PPA2: variants seen among roughly 807,000 people sequenced by gnomAD.
PPA2 encodes the protein inorganic pyrophosphatase 2.
PPA2 carries 48 observed loss-of-function variants against 49.5 expected under a neutral mutation model. The observed-to-expected ratio is 0.97, with a 90% confidence interval of 0.77 to 1.23. PPA2 has a LOEUF of 1.23. Among genes scored for constraint, PPA2 ranks in the 50% most tolerant of loss-of-function variants. The probability of loss-of-function intolerance (pLI) is 0.00; values close to 1 mark genes in which losing one functional copy is unlikely to be tolerated. For synonymous variants in PPA2, 131 were observed against 139.9 expected (o/e 0.94, Z 0.45); for missense variants, 429 against 410.1 (o/e 1.05, Z -0.40).
At chr4:105,463,393 T>C (rs1723173397) in intron 1 of PPA2, among the ~76,000 whole-genome samples, 1 of 152,168 alleles carries the variant, frequency 6.6e-6, no homozygotes, top group South Asian at 2.1e-4. Flanking sequence ...AAGCATTCAA[T>C]AGGTGACTTG....
At chr4:105,403,909 T>G (rs1034138602) in intron 7 of PPA2, among the ~76,000 whole-genome samples, 2 of 152,012 alleles carry the variant, frequency 1.3e-5, no homozygotes, top group Non-Finnish European at 2.9e-5. Flanking sequence ...TACTCTTTTT[T>G]TTTTTTTGAA....
At chr4:105,436,583 A>C (rs2866884) in intron 6 of PPA2, among the ~76,000 whole-genome samples, 56,862 of 152,098 alleles carry the variant, frequency 0.37, 12,584 homozygotes, top group East Asian at 0.67. Context: ...ACATAGCTGT[A>C]GTACTGGTAT....
chr4:105,434,603 G>A (rs1723961067), intron 6 of PPA2, among the ~76,000 whole-genome samples: 1 of 151,808 alleles, frequency 6.6e-6, no homozygotes, highest in East Asian at 1.9e-4. Flanking sequence ...CTGGCAGCAG[G>A]GTATAAGAAT....
chr4:105,380,164 GA>G (rs1733429704), intron 10 of PPA2, among the ~76,000 whole-genome samples: 1 of 151,098 alleles, frequency 6.6e-6, no homozygotes, highest in Non-Finnish European at 1.5e-5. Context: ...CGTGTTTATA[GA>G]AAGGTTTTTA....
chr4:105,425,791 C>A (rs1465845192), intron 6 of PPA2, among the ~76,000 whole-genome samples: 3 of 148,316 alleles, frequency 2.0e-5, no homozygotes, highest in African/African-American at 7.5e-5. Context: ...CAAACAAAAT[C>A]CAAAGTGAAG....
intron 10 of PPA2, 110 bp downstream of exon 10, chr4:105,386,457 T>C (rs529381480): frequency 5.8e-6 from 5 of 863,918 alleles, no homozygotes; most frequent in African/African-American, 5.1e-5. Context: ...GTAAACTTTA[T>C]GCTTCTCAAA....
intron 6 of PPA2, among the ~76,000 whole-genome samples, chr4:105,431,906 G>C (rs190258019): frequency 4.6e-5 from 7 of 152,230 alleles, no homozygotes; most frequent in Admixed American, 4.6e-4. Context: ...CAGTAAATTA[G>C]TGGTTGCCAG....
intron 5 of PPA2, among the ~76,000 whole-genome samples, chr4:105,443,020 G>T (rs1177753996): frequency 1.3e-5 from 2 of 152,132 alleles, no homozygotes; most frequent in African/African-American, 4.8e-5. Flanking sequence ...GAACAAAAGA[G>T]ACAGAATACC....
chr4:105,459,183 G>C (rs1253193592), intron 1 of PPA2, among the ~76,000 whole-genome samples: 1 of 151,932 alleles, frequency 6.6e-6, no homozygotes, highest in Non-Finnish European at 1.5e-5. Flanking sequence ...ACAACGTAAG[G>C]ATAAAAATGA....
intron 9 of PPA2, among the ~76,000 whole-genome samples, chr4:105,392,512 A>G (rs1733967290): frequency 6.6e-6 from 1 of 152,066 alleles, no homozygotes; most frequent in South Asian, 2.1e-4. Context: ...GTCTCTACTA[A>G]AAATACAAAA....
intron 10 of PPA2, among the ~76,000 whole-genome samples, chr4:105,371,252 C>T (rs1264302444): frequency 1.3e-5 from 2 of 152,120 alleles, no homozygotes; most frequent in African/African-American, 2.4e-5. Flanking sequence ...TGCTATAAAA[C>T]ACACACTTGC....
rs140134079 is a variant in PPA2, at chr4:105,456,723, A to G, written c.180T>C (p.Ile60=). 1.7e-3 allele frequency: 2,801 copies of G among 1,607,776 alleles called. 12 individuals are homozygous for G. Among genetic ancestry groups the G allele is most frequent in the Admixed American group, 9.4e-3 (553 of 58,886 alleles). The change falls in exon 2 of 12, where the codon ATT becomes ATC. Residue 60 remains isoleucine, a synonymous_variant. Transcript: ENST00000341695. ...TCAGAGGAATATCATGAAAGGGGGA[A>G]ATGTAGTGACCAGTTACATTCTCTG... ...LFFKNVTGHY[I]SPFHDIPLKV...
rs544203763 is a variant in PPA2, at chr4:105,369,445, G to T, written c.*280C>A. 3.2e-5 allele frequency: 11 copies of T among 348,310 alleles called. No individual in the cohort carries two copies. In the East Asian group the frequency reaches 6.0e-4, roughly 19 times the overall value. 21.6% of individuals were successfully genotyped at this position (348,310 alleles called of 1,614,324 possible). A position where few individuals can be genotyped will look rare whatever the true frequency, so the allele number is the denominator to read the frequency against. ...TCAACATACTGGCCAGGCTGGTCTT[G>T]AACTCCTGACCTTGTGATCTGCCCA... is the stretch of plus-strand genomic sequence containing the variant. On this transcript the variant is annotated 3_prime_UTR_variant, in exon 12 of 12. Transcript: ENST00000341695.
At chr4:105,442,902 A>G (rs138628541) in intron 5 of PPA2, among the ~76,000 whole-genome samples, 5 of 152,350 alleles carry the variant, frequency 3.3e-5, no homozygotes, top group African/African-American at 1.2e-4. Context: ...ACACACGCCT[A>G]TGAAACAAAT....
chr4:105,461,131 C>T (rs1401861818), intron 1 of PPA2, among the ~76,000 whole-genome samples: 2 of 150,246 alleles, frequency 1.3e-5, no homozygotes, highest in Non-Finnish European at 2.9e-5. Context: ...GGCCAAAAAC[C>T]TGACTTCTAG....
chr4:105,385,879 ATTTTTTT>A (rs57267137), intron 10 of PPA2, among the ~76,000 whole-genome samples: 1 of 131,048 alleles, frequency 7.6e-6, no homozygotes, highest in Non-Finnish European at 1.7e-5. Flanking sequence ...TTTATTTTCA[ATTTTTTT>A]TTTTTTTTTT....
intron 10 of PPA2, among the ~76,000 whole-genome samples, chr4:105,374,705 T>C (rs2110360423): frequency 6.6e-6 from 1 of 152,314 alleles, no homozygotes; most frequent in Non-Finnish European, 1.5e-5. Context: ...TATCCTGCTT[T>C]ACTATATATA....
chr4:105,412,005 G>C (rs1343420202), intron 7 of PPA2, among the ~76,000 whole-genome samples: 2 of 152,124 alleles, frequency 1.3e-5, no homozygotes, highest in Non-Finnish European at 2.9e-5. Flanking sequence ...TGTGAAAATG[G>C]CCATACTGCC....
rs769131765 is a variant in PPA2 at position 105,473,720 on chromosome 4, G to A, written c.157+174C>T. 1.3e-5 allele frequency: 13 copies of A among 1,015,996 alleles called. No individual in the cohort carries two copies. In the South Asian group the frequency reaches 1.4e-4, roughly 11 times the overall value. The allele number at this position is 1,015,996 out of a possible 1,614,324, so 62.9% of individuals were successfully genotyped here. ...CGCCGCCTCCTCGCTGGCAGTTCTC[G>A]TGACTCGGTGCGCGCTCCCGCGGGA... On this transcript the variant is annotated intron_variant, in intron 1 of 11. Transcript: ENST00000341695.
Sources: allele counts gnomAD v4.1 joint callset (sites outside exome capture counted in the v4.1 genomes callset), GRCh38; gene constraint gnomAD v4.1.1; transcripts MANE v1.5; gene names NCBI Gene and HGNC (gene_info 2026-07-23, HGNC 2026-07-21).